The following TSHZ3 variants were observed in gnomAD, a reference collection of about 807,000 sequenced individuals.
TSHZ3 encodes teashirt zinc finger homeobox 3.
A neutral mutation model predicts 64.5 loss-of-function variants in TSHZ3; 10 were observed. That is an observed-to-expected ratio of 0.16 (90% CI 0.10 to 0.26). TSHZ3 has a LOEUF of 0.26. Ranked by LOEUF, TSHZ3 falls within the 10% of genes least tolerant of loss-of-function variation. The pLI is 1.00. For missense variants in TSHZ3, 1,242 were observed against 1,421.7 expected (o/e 0.87, Z 2.03); for synonymous variants, 608 against 593.1 (o/e 1.03, Z -0.36).
chr19:31,168,757 T>C (rs1435008412), intron 5 of TSHZ3, among the ~76,000 whole-genome samples: 1 of 152,090 alleles, frequency 6.6e-6, no homozygotes, highest in South Asian at 2.1e-4. Flanking sequence ...ACCTTGGCCA[T>C]GTGGAATGCA....
chr19:31,179,682 G>A (rs1974672068), intron 5 of TSHZ3, among the ~76,000 whole-genome samples: 2 of 151,842 alleles, frequency 1.3e-5, no homozygotes, highest in African/African-American at 4.8e-5. Context: ...GGTGGTAAGA[G>A]TGATAATTGT....
At chr19:31,295,445 C>T (rs1976645414) in intron 1 of TSHZ3, among the ~76,000 whole-genome samples, 1 of 152,242 alleles carries the variant, frequency 6.6e-6, no homozygotes. Context: ...TACACAGTGT[C>T]CTGTCCACAT....
chr19:31,251,023 C>G (rs1009183766), intron 1 of TSHZ3, among the ~76,000 whole-genome samples: 2 of 152,076 alleles, frequency 1.3e-5, no homozygotes, highest in African/African-American at 4.8e-5. Flanking sequence ...GAGGGTAGAG[C>G]CTGCTTTGCC....
chr19:31,178,147 C>G (rs1974641947), intron 5 of TSHZ3, among the ~76,000 whole-genome samples: 1 of 152,182 alleles, frequency 6.6e-6, no homozygotes, highest in African/African-American at 2.4e-5. Flanking sequence ...GTAAGCTTCC[C>G]ATTGATGATA....
chr19:31,213,445 T>C (rs978006479), intron 4 of TSHZ3, among the ~76,000 whole-genome samples: 1 of 145,094 alleles, frequency 6.9e-6, no homozygotes, highest in Non-Finnish European at 1.5e-5. Flanking sequence ...GCACAGAAGA[T>C]TTTAGGACAG....
chr19:31,202,853 C>T (rs1309062333), intron 5 of TSHZ3, among the ~76,000 whole-genome samples: 1 of 152,106 alleles, frequency 6.6e-6, no homozygotes, highest in African/African-American at 2.4e-5. Context: ...TTCAGTAATT[C>T]ATTTGTTCAT....
intron 1 of TSHZ3, among the ~76,000 whole-genome samples, chr19:31,262,658 T>C (rs1245175418): frequency 1.3e-5 from 2 of 152,256 alleles, no homozygotes; most frequent in African/African-American, 2.4e-5. Flanking sequence ...AAATAATCTA[T>C]ATCCTCAATT....
chr19:31,246,065 G>A (rs529928042), intron 1 of TSHZ3, among the ~76,000 whole-genome samples: 2 of 152,102 alleles, frequency 1.3e-5, no homozygotes, highest in Admixed American at 6.5e-5. Flanking sequence ...TCAGCATCTC[G>A]AGTTAAGCTG....
chr19:31,216,539 C>G (rs943925919), intron 4 of TSHZ3, among the ~76,000 whole-genome samples: 1 of 152,026 alleles, frequency 6.6e-6, no homozygotes, highest in South Asian at 2.1e-4. Flanking sequence ...ACCTCCACCT[C>G]CCTGGCTCAA....
chr19:31,165,431 T>A (rs564443911), intron 5 of TSHZ3, among the ~76,000 whole-genome samples: 1 of 152,288 alleles, frequency 6.6e-6, no homozygotes, highest in African/African-American at 2.4e-5. Flanking sequence ...TGCAAAAAGA[T>A]CTTTGGGTGG....
chr19:31,256,484 C>T (rs921333426), intron 1 of TSHZ3, among the ~76,000 whole-genome samples: 2 of 152,120 alleles, frequency 1.3e-5, no homozygotes, highest in East Asian at 1.9e-4. Context: ...CAGAGGGCCT[C>T]GGGAGTGACT....
intron 4 of TSHZ3, among the ~76,000 whole-genome samples, chr19:31,219,018 G>A (rs528974891): frequency 6.6e-6 from 1 of 152,274 alleles, no homozygotes; most frequent in South Asian, 2.1e-4. Flanking sequence ...GATGCTTCAG[G>A]TACATGTTTG....
At chr19:31,226,109 G>C (rs1975457003) in intron 4 of TSHZ3, among the ~76,000 whole-genome samples, 1 of 149,848 alleles carries the variant, frequency 6.7e-6, no homozygotes, top group South Asian at 2.1e-4. Context: ...CTGGGCAACA[G>C]AGCAAGACTC....
intron 5 of TSHZ3, among the ~76,000 whole-genome samples, chr19:31,169,410 TG>T (rs1974503940): frequency 6.6e-6 from 1 of 152,040 alleles, no homozygotes; most frequent in African/African-American, 2.4e-5. Flanking sequence ...ATAGGCAAAA[TG>T]CCATAGAGAC....
chr19:31,277,877 T>C lies in TSHZ3; in HGVS notation c.1916A>G (p.Lys639Arg). Reference sequence around the variant, plus strand: ...GCTACATGGGGAGGGAGTGGCCCGCTTGGGCGGGGAAAGCTTCCCATCCGG... The same window carrying C: ...GCTACATGGGGAGGGAGTGGCCCGCCTGGGCGGGGAAAGCTTCCCATCCGG... ...KEPDGKLSPP[K>R]RATPSPCSSE... The change falls in exon 2 of 2, where the codon AAG (lysine) becomes AGG (arginine). Residue 639 changes from lysine to arginine, a missense_variant. By Grantham distance (26) the Lys-to-Arg change is conservative (BLOSUM62 2). Coordinates refer to ENST00000240587, the MANE Select transcript of TSHZ3 (RefSeq NM_020856.4). This position sits in a 1 kb window ranked among gnomAD's most constrained non-coding sequence, Gnocchi z 4.5. 12 of 1,609,730 alleles carry C rather than the reference T, an allele frequency of 7.5e-6. No individual in the cohort carries two copies. The highest frequency in any genetic ancestry group is 1.0e-5 in the Non-Finnish European group (12 of 1,178,116).
At chr19:31,267,236 T>C (rs1976065665) in intron 1 of TSHZ3, among the ~76,000 whole-genome samples, 1 of 151,988 alleles carries the variant, frequency 6.6e-6, no homozygotes, top group Non-Finnish European at 1.5e-5. Context: ...GAGCTCACCC[T>C]TGCCTGAGAA....
intron 5 of TSHZ3, among the ~76,000 whole-genome samples, chr19:31,182,330 T>G (rs1475793989): frequency 6.6e-6 from 1 of 152,192 alleles, no homozygotes. Flanking sequence ...AGAGCTCTTG[T>G]TCCAGGGAGA....
At chr19:31,235,983 A>G (rs1975608766) in intron 3 of TSHZ3, among the ~76,000 whole-genome samples, 1 of 152,024 alleles carries the variant, frequency 6.6e-6, no homozygotes, top group Non-Finnish European at 1.5e-5. Context: ...ATTACAGGTG[A>G]GAGCTACCGT....
chr19:31,173,874 A>G (rs556811272), intron 5 of TSHZ3, among the ~76,000 whole-genome samples: 1 of 152,298 alleles, frequency 6.6e-6, no homozygotes, highest in South Asian at 2.1e-4. Flanking sequence ...GCTCGAGACC[A>G]GCTTTGCCAA....
Sources: gnomAD v4.1 joint callset for allele counts (sites outside exome capture counted in the v4.1 genomes callset) on GRCh38, gnomAD v4.1.1 for gene constraint, Gnocchi (gnomAD v3.1) non-coding constraint, MANE v1.5 for transcripts, NCBI Gene and HGNC (gene_info 2026-07-23, HGNC 2026-07-21) for gene names.